The following TRPM3 variants were observed in gnomAD, a reference collection of about 807,000 sequenced individuals.
TRPM3 encodes the protein transient receptor potential cation channel subfamily M member 3.
In TRPM3, 77 loss-of-function variants were observed where a neutral mutation model predicts 181.2. The ratio of observed to expected loss-of-function variants is 0.42; its 90% CI spans 0.35 to 0.51. TRPM3 has a LOEUF of 0.51. TRPM3 is among the 20% of genes least tolerant of loss of function. TRPM3 has a pLI of 0.01. For synonymous variants in TRPM3, 745 were observed against 796.4 expected, an observed-to-expected ratio of 0.94 and a Z score of 1.09; for missense variants, 1,759 against 2,196.7, an observed-to-expected ratio of 0.80 and a Z score of 3.98.
chr9:71,396,061 T>C (rs2132985061), intron 1 of TRPM3, among the ~76,000 whole-genome samples: 1 of 152,274 alleles, frequency 6.6e-6, no homozygotes, highest in East Asian at 1.9e-4. Flanking sequence ...TGGGATGTGG[T>C]CTTAATTCTA....
At position 70,655,305 on chromosome 9, in the gene TRPM3, C is replaced by CAAAAAAAAAA. The variant is rs1169901529; in HGVS notation, c.1346-14655_1346-14646dup. 4.8e-4 allele frequency among the ~76,000 whole-genome samples: 16 copies of CAAAAAAAAAA among 33,174 alleles called. 1 individual carries two copies. Among genetic ancestry groups the CAAAAAAAAAA allele is most frequent in the African/African-American group, 1.3e-3 (14 of 10,796 alleles). 21.8% of individuals were successfully genotyped at this position (33,174 alleles called of 152,430 possible). On this transcript the variant is annotated intron_variant, in intron 9 of 25. Coordinates refer to ENST00000677713, the MANE Select transcript of TRPM3 (RefSeq NM_001366145.2). ...TGGGCGAAAGAGTGAGACTCCGTCT[C>CAAAAAAAAAA]AAAAAAAAAAAAAAAAAAAAAAAAA...
At chr9:70,653,064 C>G (rs1419924863) in intron 9 of TRPM3, among the ~76,000 whole-genome samples, 1 of 151,898 alleles carries the variant, frequency 6.6e-6, no homozygotes, top group East Asian at 1.9e-4. Context: ...GAAAGGGAAA[C>G]CGTGAAAGTG....
chr9:71,132,007 G>C (rs1323195318), intron 1 of TRPM3, among the ~76,000 whole-genome samples: 1 of 152,056 alleles, frequency 6.6e-6, no homozygotes, highest in Non-Finnish European at 1.5e-5. Context: ...TCTATTTTAC[G>C]TAAAGGCATA....
intron 9 of TRPM3, among the ~76,000 whole-genome samples, chr9:70,654,627 CAAAT>C (rs2060025754): frequency 1.3e-5 from 2 of 151,498 alleles, no homozygotes; most frequent in South Asian, 4.2e-4. Flanking sequence ...CAGTGGGAAA[CAAAT>C]AATCTAAGAA....
At chr9:70,540,528 C>T (rs2043036538) in intron 25 of TRPM3, among the ~76,000 whole-genome samples, 2 of 151,906 alleles carry the variant, frequency 1.3e-5, no homozygotes, top group Non-Finnish European at 2.9e-5. Context: ...AGCTGATGCA[C>T]CAAAAACACG....
intron 1 of TRPM3, among the ~76,000 whole-genome samples, chr9:71,145,450 A>G (rs2134579660): frequency 6.6e-6 from 1 of 152,300 alleles, no homozygotes; most frequent in Non-Finnish European, 1.5e-5. Flanking sequence ...GAATGCAGAA[A>G]ATACCACACC....
intron 22 of TRPM3, among the ~76,000 whole-genome samples, chr9:70,588,139 T>G (rs1001469426): frequency 6.6e-6 from 1 of 152,250 alleles, no homozygotes; most frequent in Non-Finnish European, 1.5e-5. Flanking sequence ...GACTCCATTT[T>G]CTTTCCTTTG....
intron 24 of TRPM3, among the ~76,000 whole-genome samples, chr9:70,551,220 C>G (rs554150441): frequency 2.6e-4 from 39 of 152,216 alleles, no homozygotes; most frequent in African/African-American, 8.9e-4. Context: ...CTTGGCAGTG[C>G]CCTGGGTTCT....
chr9:70,940,372 G>A (rs2096873924), intron 1 of TRPM3, among the ~76,000 whole-genome samples: 1 of 152,192 alleles, frequency 6.6e-6, no homozygotes, highest in Non-Finnish European at 1.5e-5. Flanking sequence ...CTTTGAAAGT[G>A]TGTTAGGACT....
chr9:71,053,043 G>A (rs1276687432), intron 1 of TRPM3, among the ~76,000 whole-genome samples: 1 of 120,928 alleles, frequency 8.3e-6, no homozygotes, highest in Non-Finnish European at 1.6e-5. Context: ...TGCATATGGA[G>A]TTTCCTAACC....
intron 7 of TRPM3, among the ~76,000 whole-genome samples, chr9:70,778,571 T>TC (rs771967662): frequency 6.6e-6 from 1 of 152,144 alleles, no homozygotes; most frequent in Non-Finnish European, 1.5e-5. Context: ...TAAAAAAGAA[T>TC]CAAGTTTTGA....
At chr9:71,345,473 C>T (rs557740127) in intron 1 of TRPM3, among the ~76,000 whole-genome samples, 39 of 152,152 alleles carry the variant, frequency 2.6e-4, no homozygotes, top group African/African-American at 4.1e-4. Flanking sequence ...CATCATTCTC[C>T]GCAAACAAAC....
At chr9:70,693,878 C>T (rs10868878) in intron 8 of TRPM3, among the ~76,000 whole-genome samples, 152,379 of 152,382 alleles carry the variant, frequency 1, 76,188 homozygotes, top group Non-Finnish European at 1. Flanking sequence ...AATAGCAGTT[C>T]GGATTTTCTG....
chr9:71,170,991 G>A (rs1052876756), intron 1 of TRPM3, among the ~76,000 whole-genome samples: 2 of 151,676 alleles, frequency 1.3e-5, no homozygotes, highest in Non-Finnish European at 2.9e-5. Context: ...ACATCCCTGA[G>A]AAAGAGAATA....
At chr9:70,833,732 G>A (rs571109460) in intron 5 of TRPM3, among the ~76,000 whole-genome samples, 7 of 152,274 alleles carry the variant, frequency 4.6e-5, no homozygotes, top group Non-Finnish European at 8.8e-5. Context: ...GGCTCAGCTG[G>A]ATATGAAAGT....
At chr9:71,204,446 A>G (rs917668676) in intron 1 of TRPM3, among the ~76,000 whole-genome samples, 21 of 152,268 alleles carry the variant, frequency 1.4e-4, no homozygotes, top group Admixed American at 2.6e-4. Context: ...TATGCAGCCA[A>G]AAGACACATG....
chr9:70,991,353 A>G (rs1329395000), intron 1 of TRPM3, among the ~76,000 whole-genome samples: 2 of 152,212 alleles, frequency 1.3e-5, no homozygotes, highest in Admixed American at 6.5e-5. Context: ...AGATGTTTTT[A>G]TATCTCATTA....
chr9:71,334,560 T>C (rs1588542452), intron 1 of TRPM3, among the ~76,000 whole-genome samples: 1 of 147,748 alleles, frequency 6.8e-6, no homozygotes, highest in South Asian at 2.1e-4. Flanking sequence ...ACATTTCATC[T>C]ATCATTTCTA....
intron 6 of TRPM3, among the ~76,000 whole-genome samples, chr9:70,791,418 G>GGAAC (rs900242916): frequency 6.6e-6 from 1 of 152,174 alleles, no homozygotes; most frequent in Non-Finnish European, 1.5e-5. Flanking sequence ...CCCTGAGGTT[G>GGAAC]GAACTTCCCA....
Sources: gnomAD v4.1 joint callset for allele counts (sites outside exome capture counted in the v4.1 genomes callset) on GRCh38, gnomAD v4.1.1 for gene constraint, MANE v1.5 for transcripts, NCBI Gene and HGNC (gene_info 2026-07-23, HGNC 2026-07-21) for gene names.